The following NEURL1 variants were observed in gnomAD, a reference collection of about 807,000 sequenced individuals.
NEURL1 encodes E3 ubiquitin-protein ligase NEURL1.
A neutral mutation model predicts 41.2 loss-of-function variants in NEURL1; 26 were observed. The ratio of observed to expected loss-of-function variants is 0.63; its 90% CI spans 0.46 to 0.87. The LOEUF (loss-of-function observed/expected upper bound fraction) is 0.87. NEURL1 is among the 40% of genes least tolerant of loss of function. The pLI, the probability that NEURL1 is intolerant of heterozygous loss-of-function variation, is 0.00. For synonymous variants in NEURL1, 400 were observed against 402.3 expected, an observed-to-expected ratio of 0.99 and a Z score of 0.07; for missense variants, 761 against 871.1, an observed-to-expected ratio of 0.87 and a Z score of 1.59.
intron 1 of NEURL1, among the ~76,000 whole-genome samples, chr10:103,527,942 G>C (rs149354134): frequency 6.6e-6 from 1 of 152,120 alleles, no homozygotes; most frequent in Non-Finnish European, 1.5e-5. Context: ...TATAAAGGCC[G>C]GGCACAATGG....
chr10:103,506,222 G>A (rs1290779436), intron 1 of NEURL1, among the ~76,000 whole-genome samples: 3 of 152,192 alleles, frequency 2.0e-5, no homozygotes, highest in Non-Finnish European at 4.4e-5. Context: ...CCCCTGCCTG[G>A]TGTCTGCTGA....
At chr10:103,573,659 G>T (rs922104614) in intron 3 of NEURL1, among the ~76,000 whole-genome samples, 6 of 149,116 alleles carry the variant, frequency 4.0e-5, no homozygotes, top group Non-Finnish European at 7.5e-5. Flanking sequence ...CCTGTATAAT[G>T]GTTGTGAAGG....
At chr10:103,520,262 G>A (rs1026156675) in intron 1 of NEURL1, among the ~76,000 whole-genome samples, 1 of 152,242 alleles carries the variant, frequency 6.6e-6, no homozygotes, top group Non-Finnish European at 1.5e-5. Context: ...GAGCAATAAA[G>A]CTGTATATTT....
rs572397926 is a variant in NEURL1, at chr10:103,563,358, G to A, written c.86-7514G>A. On this transcript the variant is annotated intron_variant, in intron 1 of 5. Coordinates refer to ENST00000369780, the MANE Select transcript of NEURL1 (RefSeq NM_004210.5). ...ATAAATCAAGGTCCAGAGAGGTGAA[G>A]CAACTTGTCCAAAGTCACACAGCAA... Among the ~76,000 whole-genome samples, 128 of 152,308 alleles carry A rather than the reference G, an allele frequency of 8.4e-4. 1 individual carries two copies. Among genetic ancestry groups the A allele is most frequent in the Admixed American group, 8.4e-3 (128 of 15,288 alleles).
intron 1 of NEURL1, among the ~76,000 whole-genome samples, chr10:103,560,020 T>C (rs1479663155): frequency 6.6e-6 from 1 of 150,948 alleles, no homozygotes; most frequent in Non-Finnish European, 1.5e-5. Context: ...CATGCACACA[T>C]ACACACAAGT....
intron 4 of NEURL1, among the ~76,000 whole-genome samples, chr10:103,586,678 G>T (rs1379128788): frequency 6.6e-6 from 1 of 152,178 alleles, no homozygotes; most frequent in Non-Finnish European, 1.5e-5. Flanking sequence ...GAGAGCATGA[G>T]AAATCATATA....
At chr10:103,583,007 CG>C (rs1271295224) in intron 3 of NEURL1, among the ~76,000 whole-genome samples, 24 of 152,240 alleles carry the variant, frequency 1.6e-4, no homozygotes, top group African/African-American at 5.5e-4. Flanking sequence ...AACACTTCCA[CG>C]GGCTGCCGTA....
chr10:103,560,102 C>A (rs1461809641), intron 1 of NEURL1, among the ~76,000 whole-genome samples: 2 of 152,032 alleles, frequency 1.3e-5, no homozygotes, highest in African/African-American at 4.8e-5. Context: ...CTGCCTCTGT[C>A]CCCCAGCCCT....
chr10:103,512,360 C>G (rs905952157), intron 1 of NEURL1, among the ~76,000 whole-genome samples: 5 of 152,182 alleles, frequency 3.3e-5, no homozygotes, highest in African/African-American at 1.2e-4. Flanking sequence ...CAAGGCTGAC[C>G]AGTGACAGTG....
At chr10:103,551,297 A>ATTTTTTT (rs528332099) in intron 1 of NEURL1, among the ~76,000 whole-genome samples, 6 of 118,718 alleles carry the variant, frequency 5.1e-5, no homozygotes, top group African/African-American at 1.5e-4. Flanking sequence ...GGTCAAATGA[A>ATTTTTTT]TTTTTTTTTT....
chr10:103,589,744 G>C (rs906085651), intron 5 of NEURL1, 84 bp downstream of exon 5: 10 of 1,516,834 alleles, frequency 6.6e-6, no homozygotes, highest in Non-Finnish European at 8.9e-6. Context: ...GCTGGGAGTG[G>C]AGAGGAGCTG....
At chr10:103,559,827 C>T (rs1393309469) in intron 1 of NEURL1, among the ~76,000 whole-genome samples, 1 of 149,378 alleles carries the variant, frequency 6.7e-6, no homozygotes, top group Non-Finnish European at 1.5e-5. Context: ...CTTGCCAGTG[C>T]ATGCACACAC....
intron 4 of NEURL1, among the ~76,000 whole-genome samples, 169 bp from the exon 5 acceptor site, chr10:103,589,345 C>T (rs2035988825): frequency 6.6e-6 from 1 of 152,226 alleles, no homozygotes; most frequent in Non-Finnish European, 1.5e-5. Context: ...TAGCTATACT[C>T]CACGGCGGTA....
intron 1 of NEURL1, among the ~76,000 whole-genome samples, chr10:103,497,274 T>C (rs1258574954): frequency 1.3e-5 from 2 of 152,230 alleles, no homozygotes; most frequent in African/African-American, 4.8e-5. Context: ...TTCATTCTAA[T>C]TGTGTTGGTG....
rs745883516 is a variant in NEURL1, at chr10:103,556,838, G to T, written c.86-14034G>T. Among the ~76,000 whole-genome samples, 2 of 152,158 alleles carry T rather than the reference G, an allele frequency of 1.3e-5. No homozygotes were observed. The highest frequency in any genetic ancestry group is 2.9e-5 in the Non-Finnish European group (2 of 68,020). ...CTGTGGGGTGGGGGCTCTTCTCAGG[G>T]CTTGCTGGCCCCGGCGGGGCCTGTT... On this transcript the variant is annotated intron_variant, in intron 1 of 5. Coordinates refer to ENST00000369780, the MANE Select transcript of NEURL1 (RefSeq NM_004210.5). This position sits in a 1 kb window ranked among gnomAD's most constrained non-coding sequence, Gnocchi z 4.4.
chr10:103,511,551 T>C (rs909579220), intron 1 of NEURL1, among the ~76,000 whole-genome samples: 1 of 152,222 alleles, frequency 6.6e-6, no homozygotes, highest in Non-Finnish European at 1.5e-5. Context: ...GCTTAACTTC[T>C]CCATGTCCTA....
At chr10:103,528,331 G>A (rs2034502825) in intron 1 of NEURL1, among the ~76,000 whole-genome samples, 1 of 152,060 alleles carries the variant, frequency 6.6e-6, no homozygotes, top group African/African-American at 2.4e-5. Context: ...CTCCAGCCTG[G>A]GCAACAGAGT....
intron 1 of NEURL1, among the ~76,000 whole-genome samples, chr10:103,513,359 T>C (rs771930460): frequency 6.6e-6 from 1 of 152,202 alleles, no homozygotes; most frequent in Non-Finnish European, 1.5e-5. Context: ...GTAGTTCCCT[T>C]ATTTGGAATG....
In NEURL1 at chr10:103,545,784, C is replaced by G. The variant is rs2034912510; in HGVS notation, c.86-25088C>G. On this transcript the variant is annotated intron_variant, in intron 1 of 5. Coordinates refer to ENST00000369780, the MANE Select transcript of NEURL1 (RefSeq NM_004210.5). The surrounding 1 kb of genome is among the most constrained non-coding windows in gnomAD (Gnocchi z 4.5). ...CATTTTCAGGTTTATGCCTTGCAAC[C>G]TGTGAGAGCTGGCACCCCCTGCCTC... Among the ~76,000 whole-genome samples, 1 of 152,200 alleles carries G rather than the reference C, an allele frequency of 6.6e-6. No individual in the cohort carries two copies. The highest frequency in any genetic ancestry group is 1.5e-5 in the Non-Finnish European group (1 of 68,036).
Sources: allele counts gnomAD v4.1 joint callset (sites outside exome capture counted in the v4.1 genomes callset), GRCh38; gene constraint gnomAD v4.1.1; non-coding constraint Gnocchi (gnomAD v3.1); transcripts MANE v1.5; gene names NCBI Gene and HGNC (gene_info 2026-07-23, HGNC 2026-07-21).